Variants in VSIG8 observed in about 807,000 individuals in gnomAD.
The protein encoded by VSIG8 is V-set and immunoglobulin domain-containing protein 8.
A neutral mutation model predicts 42.6 loss-of-function variants in VSIG8; 32 were observed. The ratio of observed to expected loss-of-function variants is 0.75; its 90% CI spans 0.57 to 1.01. The LOEUF (loss-of-function observed/expected upper bound fraction) is 1.01. Among genes scored for constraint, VSIG8 ranks in the 50% least tolerant of loss-of-function variants. The probability of loss-of-function intolerance (pLI) is 0.00; values close to 1 mark genes in which losing one functional copy is unlikely to be tolerated. For missense variants in VSIG8, 529 were observed against 558.0 expected (o/e 0.95, Z 0.52); for synonymous variants, 290 against 243.8 (o/e 1.19, Z -1.77).
In VSIG8 at chr1:159,858,220, T is replaced by G; in HGVS notation, c.300A>C (p.Ala100=). ...LPHLQQRVRF[A]ASDPSQYDAS... ...CATCGTACTGGCTTGGGTCTGAGGC[T>G]GCAAAGCGGACCCTCTGCTGCAGAT... Residue 100 remains alanine, a synonymous_variant, in exon 3 of 7, where the codon GCA becomes GCC. Coordinates refer to ENST00000368100, the MANE Select transcript of VSIG8 (RefSeq NM_001013661.1). 1 of 1,614,228 alleles carries G rather than the reference T, an allele frequency of 6.2e-7. No homozygotes were observed.
intron 1 of VSIG8, chr1:159,862,255 G>C: frequency 2.1e-6 from 1 of 473,052 alleles, no homozygotes; most frequent in Non-Finnish European, 3.7e-6. Flanking sequence ...TCCACTCAAA[G>C]ACCTCTGCAC....
intron 5 of VSIG8, 52 bp from the exon 6 acceptor site, chr1:159,856,133 C>T (rs1358698532): frequency 6.4e-7 from 1 of 1,555,886 alleles, no homozygotes; most frequent in Non-Finnish European, 8.7e-7. Context: ...TGGCAGGTGC[C>T]TGAGGGAACA....
chr1:159,858,775 T>A lies in VSIG8; in HGVS notation c.187A>T (p.Met63Leu), dbSNP rs766061314. The A allele has an allele frequency of 6.2e-7, 1 of 1,613,778 alleles. No individual in the cohort carries two copies. The change falls in exon 2 of 7, where the codon ATG becomes TTG. Residue 63 changes from methionine to leucine, a missense_variant. Physicochemically the swap from Met to Leu is conservative, Grantham distance 15. Transcript: ENST00000368100. ...YGPNGLDIEW[M>L]QVNSDPAHHR... ...TGGGCGGGGTCTGAGTTGACCTGCA[T>A]CCACTCGATGTCCAGCCCATTGGGA...
Position 159,854,775 on chromosome 1 carries a change from C to A in VSIG8, c.1223G>T (p.Cys408Phe), listed in dbSNP as rs1302416266. The A allele has an allele frequency of 1.0e-5, 15 of 1,502,270 alleles. No homozygotes were observed. Among genetic ancestry groups the A allele is most frequent in the Non-Finnish European group, 1.3e-5 (15 of 1,133,148 alleles). The allele number at this position is 1,502,270 out of a possible 1,614,324, so 93.1% of individuals were successfully genotyped here. Residue 408 changes from cysteine (C) to phenylalanine (F), a missense_variant, in exon 7 of 7, where the codon TGC becomes TTC. Transcript: ENST00000368100. ...PADCAEGPVQ[C>F]KNGLLV ...CGCTCACACCAAGAGGCCGTTCTTG[C>A]ACTGCACCGGCCCCTCGGCGCAGTC...
intron 4 of VSIG8, 38 bp downstream of exon 4, chr1:159,857,707 C>G: frequency 5.1e-6 from 8 of 1,575,422 alleles, no homozygotes; most frequent in Non-Finnish European, 7.0e-6. Flanking sequence ...CCTGATCTTC[C>G]ACTCACCCCC....
chr1:159,858,149 T>A lies in VSIG8; in HGVS notation c.371A>T (p.Tyr124Phe). The change falls in exon 3 of 7, where the codon TAT becomes TTT. Residue 124 changes from tyrosine to phenylalanine, a missense_variant. By Grantham distance (22) the Tyr-to-Phe change is conservative. Coordinates refer to ENST00000368100, the MANE Select transcript of VSIG8 (RefSeq NM_001013661.1). ...GGTGGTCTTCTTCACCCGGCACTCA[T>A]AAGTGGCTGTATCAGATACCTGCAG... The part of the protein sequence containing the change: ...MNLQVSDTAT[Y>F]ECRVKKTTMA... 6.2e-7 allele frequency: 1 copy of A among 1,614,148 alleles called. No individual in the cohort carries two copies. The highest frequency in any genetic ancestry group is 8.5e-7 in the Non-Finnish European group (1 of 1,180,018).
chr1:159,856,152 A>C, intron 5 of VSIG8, 71 bp from the exon 6 acceptor site: 3 of 1,475,938 alleles, frequency 2.0e-6, no homozygotes. Context: ...CAGCACCAGG[A>C]GGTGCCAGGT....
chr1:159,857,771 T>C lies in VSIG8; in HGVS notation c.626A>G (p.Glu209Gly). 1 of 1,614,122 alleles carries C rather than the reference T, an allele frequency of 6.2e-7. No individual in the cohort carries two copies. Among genetic ancestry groups the C allele is most frequent in the Non-Finnish European group, 8.5e-7 (1 of 1,179,992 alleles). Residue 209 changes from glutamate (E) to glycine (G), a missense_variant, in exon 4 of 7, where the codon GAG becomes GGG. Coordinates refer to ENST00000368100, the MANE Select transcript of VSIG8 (RefSeq NM_001013661.1). Reference sequence around the variant, plus strand: ...TTGGTTTATGGAGCTGTGGAAGGACTCCTGGTAGGACAGCTCTGAGTGGTA... The same window carrying C: ...TTGGTTTATGGAGCTGTGGAAGGACCCCTGGTAGGACAGCTCTGAGTGGTA... The part of the protein sequence containing the change: ...HSYHSELSYQ[E>G]SFHSSINQGL...
Position 159,855,980 on chromosome 1 carries a change from C to CGCA in VSIG8, c.871_873dup (p.Cys291dup), listed in dbSNP as rs774629452. ...CGGGCGCCGCCAGCCCCGGAGCCCC[C>CGCA]GCAGCAGCAGCAGACGAGCCCCCAG... On this transcript the variant is annotated inframe_insertion, in exon 6 of 7. Transcript: ENST00000368100. 3.1e-6 allele frequency: 5 copies of CGCA among 1,600,594 alleles called. No homozygotes were observed. Among genetic ancestry groups the CGCA allele is most frequent in the Admixed American group, 1.7e-5 (1 of 58,252 alleles).
At chr1:159,858,949 A>G (rs1258264299) in intron 1 of VSIG8, 37 bp from the exon 2 acceptor site, 4 of 1,597,586 alleles carry the variant, frequency 2.5e-6, no homozygotes, top group Non-Finnish European at 3.4e-6. Context: ...TGGTAGGAGC[A>G]GAAGCAGGGC....
chr1:159,855,071 C>T, intron 6 of VSIG8, 45 bp from the exon 7 acceptor site: 1 of 1,562,156 alleles, frequency 6.4e-7, no homozygotes, highest in South Asian at 1.2e-5. Context: ...TGCTCCGCAG[C>T]GGGGCGTGGG....
Position 159,858,907 on chromosome 1 carries a change from G to T in VSIG8, c.55C>A (p.Leu19Met). The stretch of plus-strand genomic sequence containing the variant: ...TCCCCGTTGATCCGCACAGCAGACA[G>T]CAGTGCTAGGGGGAGGGCAGAGAAG... The part of the protein sequence containing the change: ...LLLVCLSPAL[L>M]SAVRINGDGQ... The change falls in exon 2 of 7, where the codon CTG (leucine) becomes ATG (methionine). Residue 19 changes from leucine (L) to methionine (M), a missense_variant. Transcript: ENST00000368100. 1 of 1,613,148 alleles carries T rather than the reference G, an allele frequency of 6.2e-7. No homozygotes were observed. Among genetic ancestry groups the T allele is most frequent in the Non-Finnish European group, 8.5e-7 (1 of 1,179,636 alleles).
chr1:159,855,055 G>C, intron 6 of VSIG8, 29 bp from the exon 7 acceptor site: 2 of 1,569,548 alleles, frequency 1.3e-6, no homozygotes, highest in African/African-American at 1.4e-5. Flanking sequence ...GGGCGGGTGA[G>C]CGGGCTGCTC....
Position 159,856,574 on chromosome 1 carries a change from A to G in VSIG8, c.722T>C (p.Val241Ala), listed in dbSNP as rs147706833. 1.2e-4 allele frequency: 192 copies of G among 1,614,128 alleles called. No individual in the cohort carries two copies. The highest frequency in any genetic ancestry group is 1.6e-4 in the Non-Finnish European group (184 of 1,180,006). ...RADDGLYQCT[V>A]ANNVGYSVCV... ...AACACTGTAGCCCACGTTGTTGGCC[A>G]CTGTGCACTGATACAGCCCATCATC... Residue 241 changes from valine (V) to alanine (A), a missense_variant, in exon 5 of 7, where the codon GTG becomes GCG. Val to Ala is a moderately conservative substitution (Grantham distance 64, BLOSUM62 0). Transcript: ENST00000368100.
chr1:159,855,384 G>A, intron 6 of VSIG8: 4 of 1,432,936 alleles, frequency 2.8e-6, no homozygotes, highest in Admixed American at 2.8e-5. Context: ...GACCTTGCTC[G>A]AGCAATCTCT....
intron 1 of VSIG8, among the ~76,000 whole-genome samples, chr1:159,859,522 G>T (rs1468445295): frequency 1.3e-5 from 2 of 152,208 alleles, no homozygotes; most frequent in Admixed American, 1.3e-4. Context: ...GACAGTGTGA[G>T]TCTGTGGCTG....
At position 159,854,936 on chromosome 1, in the gene VSIG8, G is replaced by A; in HGVS notation, c.1062C>T (p.Arg354=). ...LLGYPTQNVS[R]SLRRKYAPPP... is the part of the protein sequence containing the mutation. ...GAGGCGCGTACTTGCGGCGCAGGGA[G>A]CGGCTGACGTTCTGCGTCGGGTACC... Residue 354 remains arginine (R), a synonymous_variant, in exon 7 of 7, where the codon CGC becomes CGT. Transcript: ENST00000368100. 1 of 1,517,686 alleles carries A rather than the reference G, an allele frequency of 6.6e-7. No individual in the cohort carries two copies. Among genetic ancestry groups the A allele is most frequent in the Middle Eastern group, 1.8e-4 (1 of 5,584 alleles). The allele number at this position is 1,517,686 out of a possible 1,614,324, so 94.0% of individuals were successfully genotyped here. A position where few individuals can be genotyped will look rare whatever the true frequency, so the allele number is the denominator to read the frequency against.
rs754669423 is a variant in VSIG8, at chr1:159,854,956, G to A, written c.1042C>T (p.Pro348Ser). Residue 348 changes from proline to serine, a missense_variant, in exon 7 of 7, where the codon CCG becomes TCG. Pro to Ser is a moderately conservative substitution (Grantham distance 74). Coordinates refer to ENST00000368100, the MANE Select transcript of VSIG8 (RefSeq NM_001013661.1). ...GSRVTHLLGY[P>S]TQNVSRSLRR... ...AGGGAGCGGCTGACGTTCTGCGTCGGGTACCCCAGGAGGTGGGTGACGCGG... is the reference window on the plus strand; with the variant it reads ...AGGGAGCGGCTGACGTTCTGCGTCGAGTACCCCAGGAGGTGGGTGACGCGG... 9.2e-5 allele frequency: 141 copies of A among 1,540,302 alleles called. No individual in the cohort carries two copies. Among genetic ancestry groups the A allele is most frequent in the Non-Finnish European group, 1.2e-4 (137 of 1,150,980 alleles).
At chr1:159,857,575 CAAAAAAAAA>C (rs10683798) in intron 4 of VSIG8, among the ~76,000 whole-genome samples, 161 bp downstream of exon 4, 1 of 121,232 alleles carries the variant, frequency 8.2e-6, no homozygotes, top group Non-Finnish European at 1.7e-5. Flanking sequence ...AACTCTGTCT[CAAAAAAAAA>C]AAAAAAAATA....
Sources: gnomAD v4.1 joint callset for allele counts (sites outside exome capture counted in the v4.1 genomes callset) on GRCh38, gnomAD v4.1.1 for gene constraint, MANE v1.5 for transcripts, NCBI Gene and HGNC (gene_info 2026-07-23, HGNC 2026-07-21) for gene names.